The following UNC13C variants were observed in gnomAD, a reference collection of about 807,000 sequenced individuals.
The protein encoded by UNC13C is protein unc-13 homolog C.
Under a neutral mutation model 245.4 loss-of-function variants are expected in UNC13C, and 174 were observed. The observed-to-expected ratio is 0.71, with a 90% CI of 0.63 to 0.80. UNC13C has a LOEUF of 0.80. Ranked by LOEUF, UNC13C falls within the 30% of genes least tolerant of loss-of-function variation. The probability of loss-of-function intolerance (pLI) is 0.00; values close to 1 mark genes in which losing one functional copy is unlikely to be tolerated. For missense variants in UNC13C, 2,829 were observed against 2,602.9 expected (o/e 1.09, Z -1.89); for synonymous variants, 992 against 895.1 (o/e 1.11, Z -1.93).
chr15:54,181,773 TA>T (rs965671853), intron 4 of UNC13C, among the ~76,000 whole-genome samples: 4 of 151,754 alleles, frequency 2.6e-5, no homozygotes, highest in Non-Finnish European at 5.9e-5. Context: ...CTTTTTGGTT[TA>T]AAAAAATTTT....
At chr15:54,566,269 A>G (rs955439042) in intron 29 of UNC13C, among the ~76,000 whole-genome samples, 1 of 151,980 alleles carries the variant, frequency 6.6e-6, no homozygotes, top group African/African-American at 2.4e-5. Flanking sequence ...CCATCCTTAA[A>G]TACTGTGTTT....
intron 17 of UNC13C, among the ~76,000 whole-genome samples, chr15:54,386,954 A>G (rs147579895): frequency 4.5e-4 from 69 of 152,286 alleles, no homozygotes; most frequent in Middle Eastern, 3.4e-3. Flanking sequence ...GTCTAAATGT[A>G]GAGTAGAATA....
chr15:54,359,894 T>C (rs12914105), intron 17 of UNC13C, among the ~76,000 whole-genome samples: 1 of 151,930 alleles, frequency 6.6e-6, no homozygotes, highest in Non-Finnish European at 1.5e-5. Flanking sequence ...TTAAGTTTAG[T>C]TGGTTTTTGT....
At chr15:54,360,390 GA>G (rs1217362377) in intron 17 of UNC13C, among the ~76,000 whole-genome samples, 1 of 152,008 alleles carries the variant, frequency 6.6e-6, no homozygotes, top group Admixed American at 6.6e-5. Flanking sequence ...GTCCATTGCT[GA>G]AAATGGAGTA....
At chr15:54,115,788 A>G (rs1230321653) in intron 2 of UNC13C, among the ~76,000 whole-genome samples, 1 of 152,128 alleles carries the variant, frequency 6.6e-6, no homozygotes, top group African/African-American at 2.4e-5. Context: ...TACTGAGGAC[A>G]GTAGGGATAC....
intron 4 of UNC13C, among the ~76,000 whole-genome samples, chr15:54,228,343 C>G (rs923842300): frequency 6.6e-6 from 1 of 152,036 alleles, no homozygotes; most frequent in Admixed American, 6.5e-5. Context: ...GGTGCTGTAC[C>G]CCACTGTGGC....
chr15:54,265,077 G>A (rs1322296824), intron 9 of UNC13C, among the ~76,000 whole-genome samples: 1 of 151,888 alleles, frequency 6.6e-6, no homozygotes, highest in South Asian at 2.1e-4. Context: ...CTCTGTACAT[G>A]TATGCAGTAA....
chr15:54,606,832 C>G (rs116316186), intron 30 of UNC13C, among the ~76,000 whole-genome samples: 1 of 152,086 alleles, frequency 6.6e-6, no homozygotes, highest in Non-Finnish European at 1.5e-5. Context: ...GAAGGTGCTG[C>G]GTTAGCCATA....
intron 13 of UNC13C, among the ~76,000 whole-genome samples, chr15:54,318,815 CA>C (rs1280546520): frequency 2.0e-5 from 3 of 151,642 alleles, no homozygotes; most frequent in Non-Finnish European, 2.9e-5. Context: ...GAGGTCATAT[CA>C]AAAAAATAAT....
intron 19 of UNC13C, among the ~76,000 whole-genome samples, chr15:54,474,261 C>T (rs573325833): frequency 6.6e-6 from 1 of 151,978 alleles, no homozygotes; most frequent in South Asian, 2.1e-4. Flanking sequence ...ATACTGTTTT[C>T]CATAATGGCT....
chr15:53,852,680 A>G, the UNC13C span, among the ~76,000 whole-genome samples: 1 of 152,184 alleles, frequency 6.6e-6, no homozygotes, highest in Non-Finnish European at 1.5e-5. Context: ...GTGAACAATT[A>G]CAAAGTTTAC....
At chr15:54,479,185 C>T (rs1230060249) in intron 19 of UNC13C, among the ~76,000 whole-genome samples, 3 of 151,684 alleles carry the variant, frequency 2.0e-5, no homozygotes, top group Non-Finnish European at 4.4e-5. Flanking sequence ...TATTGAAATC[C>T]CCGACTATTA....
intron 17 of UNC13C, among the ~76,000 whole-genome samples, chr15:54,380,886 A>G (rs917269402): frequency 6.6e-6 from 1 of 152,122 alleles, no homozygotes; most frequent in Non-Finnish European, 1.5e-5. Context: ...ATAGATGGCA[A>G]ATATTTTTCT....
chr15:53,895,080 G>T, the UNC13C span, among the ~76,000 whole-genome samples: 1 of 151,604 alleles, frequency 6.6e-6, no homozygotes, highest in Non-Finnish European at 1.5e-5. Context: ...ATTTTTTGTC[G>T]AGGCTGGGCG....
At chr15:54,410,136 G>T (rs1171002636) in intron 18 of UNC13C, among the ~76,000 whole-genome samples, 1 of 152,118 alleles carries the variant, frequency 6.6e-6, no homozygotes, top group Non-Finnish European at 1.5e-5. Context: ...GTAACATCAA[G>T]AATTTTTTCA....
chr15:54,304,621 T>TA (rs1188639811), intron 13 of UNC13C, among the ~76,000 whole-genome samples: 2 of 142,618 alleles, frequency 1.4e-5, no homozygotes, highest in African/African-American at 5.2e-5. Flanking sequence ...CTTACAATTG[T>TA]AAATTCTTTC....
chr15:54,193,033 C>A lies in UNC13C; in HGVS notation c.3072-41997C>A, dbSNP rs148409708. Among the ~76,000 whole-genome samples, 637 of 152,162 alleles carry A rather than the reference C, an allele frequency of 4.2e-3. 6 individuals are homozygous for A. Among genetic ancestry groups the A allele is most frequent in the African/African-American group, 0.015 (614 of 41,530 alleles). ...TCACACTTGAACTTACTGTACATTACCAATGCCCCACTATTATTTTCCTAA... is the reference window on the plus strand; with the variant it reads ...TCACACTTGAACTTACTGTACATTAACAATGCCCCACTATTATTTTCCTAA... On this transcript the variant is annotated intron_variant, in intron 4 of 32. Coordinates refer to ENST00000260323, the MANE Select transcript of UNC13C (RefSeq NM_001080534.3).
At chr15:54,319,885 T>G (rs777871406) in intron 13 of UNC13C, among the ~76,000 whole-genome samples, 3 of 152,032 alleles carry the variant, frequency 2.0e-5, no homozygotes, top group Non-Finnish European at 4.4e-5. Context: ...GAAAAAGGTT[T>G]CCTTGAGAGA....
Position 54,014,749 on chromosome 15 carries a change from C to A in UNC13C, c.1846C>A (p.Gln616Lys). 6.2e-7 allele frequency: 1 copy of A among 1,613,832 alleles called. No individual in the cohort carries two copies. Among genetic ancestry groups the A allele is most frequent in the Non-Finnish European group, 8.5e-7 (1 of 1,179,832 alleles). ...TGGAGGTGTTCAGGGTATCCAAGGG[C>A]AGACTGAAACTGAAAACACAGAAAC... is the stretch of plus-strand genomic sequence containing the variant. ...LNGGVQGIQG[Q>K]TETENTETVD... is the part of the protein sequence containing the mutation. Residue 616 changes from glutamine (Q) to lysine (K), a missense_variant, in exon 2 of 33, where the codon CAG becomes AAG. By Grantham distance (53) the Gln-to-Lys change is moderately conservative. Transcript: ENST00000260323.
Sources: allele counts gnomAD v4.1 joint callset (sites outside exome capture counted in the v4.1 genomes callset), GRCh38; gene constraint gnomAD v4.1.1; transcripts MANE v1.5; gene names NCBI Gene and HGNC (gene_info 2026-07-23, HGNC 2026-07-21).